The following IL1RAPL1 variants were observed in gnomAD, a reference collection of about 807,000 sequenced individuals.
IL1RAPL1 encodes the protein interleukin 1 receptor accessory protein like 1, also known as interleukin-1 receptor accessory protein-like 1.
In IL1RAPL1, 3 loss-of-function variants were observed where a neutral mutation model predicts 48.4. The observed-to-expected ratio is 0.06, with a 90% CI of 0.03 to 0.16. The LOEUF is 0.16. Ranked by LOEUF, IL1RAPL1 falls within the 10% of genes least tolerant of loss-of-function variation. IL1RAPL1 has a pLI of 1.00. For synonymous variants in IL1RAPL1, 185 were observed against 187.7 expected (o/e 0.99, Z 0.12); for missense variants, 349 against 530.6 (o/e 0.66, Z 3.36).
At chrX:29,620,399 G>A (rs956670706) in intron 5 of IL1RAPL1, among the ~76,000 whole-genome samples, 2 of 110,931 alleles carry the variant, frequency 1.8e-5, no homozygotes, top group African/African-American at 3.3e-5. Context: ...AAACCTGCAC[G>A]GCATGTTACT....
At chrX:29,432,547 G>T (rs1934434079) in intron 5 of IL1RAPL1, among the ~76,000 whole-genome samples, 1 of 111,408 alleles carries the variant, frequency 9.0e-6, no homozygotes, top group Non-Finnish European at 1.9e-5. Context: ...TTGTACTAGT[G>T]GAATTGAGTT....
intron 2 of IL1RAPL1, among the ~76,000 whole-genome samples, chrX:28,928,706 C>G (rs148038559): frequency 8.9e-5 from 10 of 111,986 alleles, no homozygotes; most frequent in Non-Finnish European, 1.9e-4. Flanking sequence ...CCTGACCTAA[C>G]GAAAGTAGGA....
chrX:29,052,494 G>T (rs1957820552), intron 2 of IL1RAPL1, among the ~76,000 whole-genome samples: 1 of 111,238 alleles, frequency 9.0e-6, no homozygotes, highest in Non-Finnish European at 1.9e-5. Context: ...TTGTGTAATA[G>T]ATCACCAGAA....
At chrX:29,225,466 C>T (rs769048913) in intron 2 of IL1RAPL1, among the ~76,000 whole-genome samples, 2 of 111,879 alleles carry the variant, frequency 1.8e-5, no homozygotes, top group South Asian at 3.8e-4. Context: ...ACTGCAAATT[C>T]GGATTCAGAC....
chrX:29,648,209 C>T (rs186524101), intron 5 of IL1RAPL1, among the ~76,000 whole-genome samples: 15,429 of 111,160 alleles, frequency 0.14, 1,159 homozygotes, highest in African/African-American at 0.28. Flanking sequence ...TAGGGGCATT[C>T]AACAACCCAC....
chrX:29,943,170 TTTTC>T (rs779217746), intron 9 of IL1RAPL1, among the ~76,000 whole-genome samples: 26 of 111,973 alleles, frequency 2.3e-4, no homozygotes, highest in Non-Finnish European at 4.7e-4. Context: ...AACCCTTTCT[TTTTC>T]TTAAGTTTTT....
chrX:29,580,234 C>T lies in IL1RAPL1; in HGVS notation c.704-88196C>T, dbSNP rs955751924. 2.7e-5 allele frequency among the ~76,000 whole-genome samples: 3 copies of T among 109,652 alleles called. No individual in the cohort carries two copies. In the Admixed American group the frequency reaches 2.9e-4, roughly 11 times the overall value. On this transcript the variant is annotated intron_variant, in intron 5 of 10. Coordinates refer to ENST00000378993, the MANE Select transcript of IL1RAPL1 (RefSeq NM_014271.4). ...GTCTTTAATATTCATTTATAAATAC[C>T]CAGCACCACTTAACCTAGTGCTTTA... is the stretch of plus-strand genomic sequence containing the variant.
At chrX:29,207,059 C>CT (rs895266161) in intron 2 of IL1RAPL1, among the ~76,000 whole-genome samples, 4 of 111,181 alleles carry the variant, frequency 3.6e-5, no homozygotes, top group African/African-American at 9.8e-5. Flanking sequence ...TCTTTCTTGC[C>CT]TTTTTTTGTG....
intron 3 of IL1RAPL1, among the ~76,000 whole-genome samples, chrX:29,367,306 G>C (rs1462236429): frequency 9.0e-6 from 1 of 111,613 alleles, no homozygotes; most frequent in Non-Finnish European, 1.9e-5. Context: ...CAGAACAGAG[G>C]AGCAAGATGA....
intron 1 of IL1RAPL1, among the ~76,000 whole-genome samples, chrX:28,729,901 C>A (rs941363584): frequency 1.8e-5 from 2 of 110,992 alleles, no homozygotes; most frequent in African/African-American, 6.6e-5. Context: ...GAGGCTGAGG[C>A]AGGAGAATGG....
In IL1RAPL1 at chrX:29,550,515, A is replaced by G. The variant is rs1470963900; in HGVS notation, c.704-117915A>G. On this transcript the variant is annotated intron_variant, in intron 5 of 10. Transcript: ENST00000378993. ...ATTCTACTCAATCCAAGTAAAGTATATGTATTCCAGACCTCTGCCCTATTA... is the reference window on the plus strand; with the variant it reads ...ATTCTACTCAATCCAAGTAAAGTATGTGTATTCCAGACCTCTGCCCTATTA... Among the ~76,000 whole-genome samples, 12 of 112,115 alleles carry G rather than the reference A, an allele frequency of 1.1e-4. No homozygotes were observed. The East Asian group carries it at 3.3e-3, about 31-fold the overall frequency.
chrX:29,891,301 T>C lies in IL1RAPL1; in HGVS notation c.779-26163T>C, dbSNP rs375381820. 7.1e-5 allele frequency among the ~76,000 whole-genome samples: 8 copies of C among 112,645 alleles called. No homozygotes were observed. In the East Asian group the frequency reaches 1.7e-3, roughly 24 times the overall value. ...CACCTTTGCTTTAGGTCAGATTTCC[T>C]TGTTCCTCTGTTTCCTGATGAAGGC... is the stretch of plus-strand genomic sequence containing the variant. On this transcript the variant is annotated intron_variant, in intron 6 of 10. Transcript: ENST00000378993.
Position 29,614,711 on chromosome X carries a change from C to T in IL1RAPL1, c.704-53719C>T, listed in dbSNP as rs761375923. On this transcript the variant is annotated intron_variant, in intron 5 of 10. Coordinates refer to ENST00000378993, the MANE Select transcript of IL1RAPL1 (RefSeq NM_014271.4). ...CTTTGAAAGCTGCCTAAACACAAAT[C>T]TGTTATTCTTCTGAGAAAGAGTGAT... 3.6e-5 allele frequency among the ~76,000 whole-genome samples: 4 copies of T among 112,169 alleles called. No homozygotes were observed. The South Asian group carries it at 1.5e-3, about 41-fold the overall frequency.
chrX:29,383,492 T>A (rs763049236), intron 3 of IL1RAPL1, among the ~76,000 whole-genome samples: 25 of 112,214 alleles, frequency 2.2e-4, no homozygotes, highest in Non-Finnish European at 4.1e-4. Context: ...AGTGTTTTAT[T>A]TCTGCATTGT....
At chrX:28,781,248 C>G (rs1478145904) in intron 1 of IL1RAPL1, among the ~76,000 whole-genome samples, 1 of 109,131 alleles carries the variant, frequency 9.2e-6, no homozygotes, top group African/African-American at 3.3e-5. Flanking sequence ...ACTTGAAGTC[C>G]TCTTCCAAGC....
chrX:29,898,029 CAT>C (rs1932420658), intron 6 of IL1RAPL1, among the ~76,000 whole-genome samples: 1 of 111,508 alleles, frequency 9.0e-6, no homozygotes. Flanking sequence ...AATAAAGACT[CAT>C]ATAAAAAAGA....
At chrX:29,230,470 C>T (rs936834550) in intron 2 of IL1RAPL1, among the ~76,000 whole-genome samples, 2 of 86,089 alleles carry the variant, frequency 2.3e-5, no homozygotes, top group African/African-American at 9.4e-5. Flanking sequence ...TTATTGTGAC[C>T]CCTGTAGATG....
At chrX:28,808,964 G>A (rs1298826279) in intron 2 of IL1RAPL1, among the ~76,000 whole-genome samples, 2 of 110,244 alleles carry the variant, frequency 1.8e-5, no homozygotes, top group Non-Finnish European at 3.8e-5. Flanking sequence ...TTAAATAAGA[G>A]GTGTCTTTTT....
chrX:29,117,462 A>G (rs1928700107), intron 2 of IL1RAPL1, among the ~76,000 whole-genome samples: 1 of 112,248 alleles, frequency 8.9e-6, no homozygotes, highest in African/African-American at 3.2e-5. Flanking sequence ...TAAGAAACAC[A>G]ACTTCGTGGA....
Sources: gnomAD v4.1 joint callset for allele counts (sites outside exome capture counted in the v4.1 genomes callset) on GRCh38, gnomAD v4.1.1 for gene constraint, MANE v1.5 for transcripts, NCBI Gene and HGNC (gene_info 2026-07-23, HGNC 2026-07-21) for gene names.